ST6GALNAC3: variants seen among roughly 807,000 people sequenced by gnomAD.
ST6GALNAC3 encodes ST6 N-acetylgalactosaminide alpha-2,6-sialyltransferase 3.
Under a neutral mutation model 32.7 loss-of-function variants are expected in ST6GALNAC3, and 25 were observed. That is an observed-to-expected ratio of 0.76 (90% confidence interval 0.56 to 1.07). ST6GALNAC3 has a LOEUF of 1.07. Ranked by LOEUF, ST6GALNAC3 falls within the 50% of genes least tolerant of loss-of-function variation. ST6GALNAC3 has a pLI of 0.00. For synonymous variants in ST6GALNAC3, 129 were observed against 133.1 expected (o/e 0.97, Z 0.21); for missense variants, 355 against 382.4 (o/e 0.93, Z 0.60).
intron 3 of ST6GALNAC3, among the ~76,000 whole-genome samples, chr1:76,588,226 G>T (rs955625310): frequency 6.6e-6 from 1 of 151,492 alleles, no homozygotes; most frequent in African/African-American, 2.4e-5. Flanking sequence ...CCTGTCCAAA[G>T]AAATATCACT....
chr1:76,289,521 A>T (rs1174457498), intron 1 of ST6GALNAC3, among the ~76,000 whole-genome samples: 1 of 152,234 alleles, frequency 6.6e-6, no homozygotes, highest in African/African-American at 2.4e-5. Flanking sequence ...TCAAGGGGGC[A>T]AAAAGTTTAA....
At chr1:76,153,744 T>G (rs1651203852) in intron 1 of ST6GALNAC3, among the ~76,000 whole-genome samples, 1 of 152,230 alleles carries the variant, frequency 6.6e-6, no homozygotes, top group Admixed American at 6.5e-5. Context: ...CTTATTTTTA[T>G]GTCCTAAGGA....
chr1:76,514,561 A>C (rs2101767733), intron 3 of ST6GALNAC3, among the ~76,000 whole-genome samples: 1 of 152,178 alleles, frequency 6.6e-6, no homozygotes, highest in Middle Eastern at 3.4e-3. Context: ...GAAATGGATA[A>C]GTTCCAGTGA....
chr1:76,228,919 C>T (rs970470607), intron 1 of ST6GALNAC3, among the ~76,000 whole-genome samples: 7 of 152,068 alleles, frequency 4.6e-5, no homozygotes, highest in African/African-American at 1.7e-4. Context: ...AGGTGATTAA[C>T]GTTGATAGAT....
At chr1:76,208,449 G>A (rs1654956895) in intron 1 of ST6GALNAC3, among the ~76,000 whole-genome samples, 1 of 152,224 alleles carries the variant, frequency 6.6e-6, no homozygotes, top group Non-Finnish European at 1.5e-5. Context: ...GTAGGTCACA[G>A]CTTACTAGAA....
chr1:76,172,340 A>G (rs1208088292), intron 1 of ST6GALNAC3, among the ~76,000 whole-genome samples: 2 of 152,178 alleles, frequency 1.3e-5, no homozygotes, highest in Admixed American at 6.5e-5. Flanking sequence ...ATATATCTCA[A>G]AATAATAAGA....
intron 3 of ST6GALNAC3, among the ~76,000 whole-genome samples, chr1:76,605,469 G>A (rs1456132873): frequency 6.6e-6 from 1 of 151,932 alleles, no homozygotes; most frequent in Non-Finnish European, 1.5e-5. Context: ...CAAAATGGGA[G>A]AAATTTTTTG....
intron 2 of ST6GALNAC3, among the ~76,000 whole-genome samples, chr1:76,375,819 TA>T (rs1302447906): frequency 6.6e-6 from 1 of 152,216 alleles, no homozygotes; most frequent in African/African-American, 2.4e-5. Flanking sequence ...ATGCAGCTAT[TA>T]AAACAAGGAA....
chr1:76,117,295 A>T (rs1458896929), intron 1 of ST6GALNAC3, among the ~76,000 whole-genome samples: 1 of 152,236 alleles, frequency 6.6e-6, no homozygotes, highest in Non-Finnish European at 1.5e-5. Flanking sequence ...AGGAGAAGTT[A>T]AGCTCATCTC....
At chr1:76,382,521 G>A (rs1029275162) in intron 2 of ST6GALNAC3, among the ~76,000 whole-genome samples, 17 of 152,156 alleles carry the variant, frequency 1.1e-4, no homozygotes, top group South Asian at 6.2e-4. Context: ...TAAAAATAAC[G>A]GATCAAAGCA....
rs1650728378 is a variant in ST6GALNAC3, at chr1:76,147,029, C to T, written c.18+72145C>T. Among the ~76,000 whole-genome samples, 3 of 151,640 alleles carry T rather than the reference C, an allele frequency of 2.0e-5. No individual in the cohort carries two copies. The South Asian group carries it at 6.2e-4, about 32-fold the overall frequency. ...TACATCCTAAATTAAACACTACCAA[C>T]ATTAGCTAACTTCTACTGATCACTC... is the stretch of plus-strand genomic sequence containing the variant. On this transcript the variant is annotated intron_variant, in intron 1 of 4. Coordinates refer to ENST00000328299, the MANE Select transcript of ST6GALNAC3 (RefSeq NM_152996.4).
chr1:76,575,084 G>T (rs1646779128), intron 3 of ST6GALNAC3, among the ~76,000 whole-genome samples: 1 of 152,136 alleles, frequency 6.6e-6, no homozygotes, highest in Admixed American at 6.6e-5. Flanking sequence ...ACTCTAACAT[G>T]CAGAACATGT....
intron 1 of ST6GALNAC3, among the ~76,000 whole-genome samples, chr1:76,139,984 C>T (rs748707028): frequency 2.9e-4 from 44 of 152,204 alleles, no homozygotes; most frequent in Non-Finnish European, 6.2e-4. Flanking sequence ...GACAGAATCT[C>T]TTTACTTCCT....
intron 3 of ST6GALNAC3, among the ~76,000 whole-genome samples, chr1:76,533,997 A>G (rs757687654): frequency 7.9e-5 from 12 of 152,096 alleles, no homozygotes; most frequent in Non-Finnish European, 1.6e-4. Flanking sequence ...CATAAATGAC[A>G]TGTGTTAAAT....
intron 3 of ST6GALNAC3, among the ~76,000 whole-genome samples, chr1:76,458,079 T>G (rs1046996968): frequency 2.7e-5 from 4 of 147,998 alleles, no homozygotes; most frequent in African/African-American, 5.0e-5. Flanking sequence ...GCGAAGGACA[T>G]GAACAGACAC....
intron 3 of ST6GALNAC3, among the ~76,000 whole-genome samples, chr1:76,450,898 A>G (rs930056892): frequency 6.6e-6 from 1 of 152,132 alleles, no homozygotes; most frequent in Non-Finnish European, 1.5e-5. Flanking sequence ...CATTCTGTCC[A>G]TTGGTCTATA....
intron 3 of ST6GALNAC3, among the ~76,000 whole-genome samples, chr1:76,610,353 C>T (rs1035364665): frequency 2.6e-5 from 4 of 152,134 alleles, no homozygotes; most frequent in Admixed American, 6.5e-5. Context: ...AAACGGTTGA[C>T]GGTTCAGACA....
intron 3 of ST6GALNAC3, among the ~76,000 whole-genome samples, chr1:76,545,359 T>G (rs1664228789): frequency 6.6e-6 from 1 of 152,142 alleles, no homozygotes; most frequent in Admixed American, 6.6e-5. Context: ...AAAACACACT[T>G]GCATAAATAT....
At chr1:76,166,365 C>G (rs753068867) in intron 1 of ST6GALNAC3, among the ~76,000 whole-genome samples, 1 of 151,874 alleles carries the variant, frequency 6.6e-6, no homozygotes, top group Non-Finnish European at 1.5e-5. Context: ...TCTGTTTTCT[C>G]TTTTTGTACC....
Sources: gnomAD v4.1 joint callset for allele counts (sites outside exome capture counted in the v4.1 genomes callset) on GRCh38, gnomAD v4.1.1 for gene constraint, MANE v1.5 for transcripts, NCBI Gene and HGNC (gene_info 2026-07-23, HGNC 2026-07-21) for gene names.